The following FBXO36 variants were observed in gnomAD, a reference collection of about 807,000 sequenced individuals.
FBXO36 encodes F-box only protein 36.
FBXO36 carries 18 observed loss-of-function variants against 17.0 expected under a neutral mutation model. The ratio of observed to expected loss-of-function variants is 1.06; its 90% confidence interval spans 0.73 to 1.57. The LOEUF (loss-of-function observed/expected upper bound fraction) is 1.57. Among genes scored for constraint, FBXO36 ranks in the 40% most tolerant of loss-of-function variants. The pLI is 0.00. For synonymous variants in FBXO36, 83 were observed against 85.3 expected (o/e 0.97, Z 0.15); for missense variants, 229 against 221.9 (o/e 1.03, Z -0.20).
At chr2:229,967,703 C>T (rs1376378563) in intron 1 of FBXO36, among the ~76,000 whole-genome samples, 1 of 152,154 alleles carries the variant, frequency 6.6e-6, no homozygotes, top group African/African-American at 2.4e-5. Context: ...TGTGTTAAAT[C>T]AGCCTTGCAT....
At chr2:229,980,493 G>A (rs1183133492) in intron 2 of FBXO36, among the ~76,000 whole-genome samples, 1 of 152,164 alleles carries the variant, frequency 6.6e-6, no homozygotes, top group Non-Finnish European at 1.5e-5. Flanking sequence ...ATTTGGGCCA[G>A]AGATGGGAGT....
chr2:229,978,667 A>T (rs1388935135), intron 2 of FBXO36, among the ~76,000 whole-genome samples: 1 of 152,108 alleles, frequency 6.6e-6, no homozygotes, highest in African/African-American at 2.4e-5. Context: ...TAACAATGTT[A>T]TTTCTATTAA....
intron 1 of FBXO36, among the ~76,000 whole-genome samples, chr2:229,956,569 G>A (rs1183469474): frequency 6.6e-6 from 1 of 152,150 alleles, no homozygotes; most frequent in Admixed American, 6.6e-5. Context: ...AGAAGAACAG[G>A]TGACAACTCG....
intron 1 of FBXO36, among the ~76,000 whole-genome samples, chr2:229,953,729 G>C (rs1324576142): frequency 6.6e-6 from 1 of 151,822 alleles, no homozygotes; most frequent in Non-Finnish European, 1.5e-5. Context: ...AGAGAGGAGG[G>C]AAAAGGAGAA....
intron 1 of FBXO36, among the ~76,000 whole-genome samples, chr2:229,964,325 G>A (rs892633596): frequency 6.6e-6 from 1 of 152,050 alleles, no homozygotes; most frequent in Non-Finnish European, 1.5e-5. Flanking sequence ...ACCTGAAATT[G>A]TCCTCATACC....
At chr2:229,991,795 G>A (rs1198728207) in intron 2 of FBXO36, among the ~76,000 whole-genome samples, 2 of 152,170 alleles carry the variant, frequency 1.3e-5, no homozygotes, top group Non-Finnish European at 2.9e-5. Context: ...ACTCTTGAGT[G>A]ACAACACTGT....
intron 1 of FBXO36, among the ~76,000 whole-genome samples, chr2:229,971,866 CAG>C (rs1458513453): frequency 6.6e-6 from 1 of 151,818 alleles, no homozygotes; most frequent in Non-Finnish European, 1.5e-5. Context: ...TTTGTAGAGA[CAG>C]GGCCTCACTG....
intron 1 of FBXO36, among the ~76,000 whole-genome samples, chr2:229,928,371 G>C (rs1345523167): frequency 2.0e-5 from 3 of 152,158 alleles, no homozygotes; most frequent in African/African-American, 7.2e-5. Context: ...AAAAGAAAAA[G>C]CTGGAATGAT....
intron 1 of FBXO36, among the ~76,000 whole-genome samples, chr2:229,963,330 C>CT (rs2077133745): frequency 6.6e-6 from 1 of 151,966 alleles, no homozygotes; most frequent in Admixed American, 6.6e-5. Context: ...TCCCAAAGTG[C>CT]TGGGATTACA....
At chr2:229,935,816 A>G (rs1312056831) in intron 1 of FBXO36, among the ~76,000 whole-genome samples, 1 of 152,210 alleles carries the variant, frequency 6.6e-6, no homozygotes, top group Non-Finnish European at 1.5e-5. Context: ...AAGTGCTACC[A>G]TGTGCTGTGC....
At chr2:229,973,114 T>A (rs1427610813) in intron 1 of FBXO36, among the ~76,000 whole-genome samples, 4 of 147,708 alleles carry the variant, frequency 2.7e-5, no homozygotes, top group African/African-American at 9.9e-5. Context: ...TCGTTAAAAA[T>A]TCTTCCAAGT....
At chr2:229,971,745 G>A (rs1366744056) in intron 1 of FBXO36, among the ~76,000 whole-genome samples, 1 of 151,818 alleles carries the variant, frequency 6.6e-6, no homozygotes, top group Non-Finnish European at 1.5e-5. Flanking sequence ...CTAGAGTGCA[G>A]TGGTACAATC....
At chr2:229,993,462 A>C (rs2077308644) in intron 2 of FBXO36, among the ~76,000 whole-genome samples, 1 of 152,140 alleles carries the variant, frequency 6.6e-6, no homozygotes, top group Admixed American at 6.6e-5. Context: ...CTCTTTGTTA[A>C]TAGGGCAGCC....
chr2:229,937,773 C>T (rs1560431962), intron 1 of FBXO36: 1 of 151,304 alleles, frequency 6.6e-6, no homozygotes, highest in Non-Finnish European at 1.5e-5. Context: ...GTTTCTCTCT[C>T]TTTTTTTTTA....
At chr2:229,922,785 G>C (rs1052496104) in intron 1 of FBXO36, among the ~76,000 whole-genome samples, 176 bp downstream of exon 1, 4 of 152,298 alleles carry the variant, frequency 2.6e-5, no homozygotes, top group African/African-American at 9.6e-5. Flanking sequence ...GACGGCCCGC[G>C]TGTCCCTGCT....
chr2:229,964,980 A>G (rs1465293077), intron 1 of FBXO36, among the ~76,000 whole-genome samples: 3 of 152,148 alleles, frequency 2.0e-5, no homozygotes, highest in African/African-American at 4.8e-5. Context: ...AGATTTTTCC[A>G]TGGAATAAGT....
At chr2:229,975,260 TTCCCTA>T (rs2077201283) in intron 1 of FBXO36, among the ~76,000 whole-genome samples, 1 of 152,140 alleles carries the variant, frequency 6.6e-6, no homozygotes, top group African/African-American at 2.4e-5. Context: ...TAATGATGCT[TTCCCTA>T]TCTCTGTCCA....
At chr2:229,982,846 G>T (rs1285083313) in intron 2 of FBXO36, among the ~76,000 whole-genome samples, 4 of 151,726 alleles carry the variant, frequency 2.6e-5, no homozygotes, top group Non-Finnish European at 5.9e-5. Context: ...TGCCGTGTGA[G>T]GTCCCATATT....
At chr2:229,960,695 G>A (rs1241959701) in intron 1 of FBXO36, among the ~76,000 whole-genome samples, 1 of 152,148 alleles carries the variant, frequency 6.6e-6, no homozygotes, top group Admixed American at 6.5e-5. Flanking sequence ...TAGAGATGGG[G>A]TTGCGCTGCA....
Sources: gnomAD v4.1 joint callset for allele counts (sites outside exome capture counted in the v4.1 genomes callset) on GRCh38, gnomAD v4.1.1 for gene constraint, MANE v1.5 for transcripts, NCBI Gene and HGNC (gene_info 2026-07-23, HGNC 2026-07-21) for gene names.